Variants in PAX7 observed in about 807,000 individuals in gnomAD.
PAX7 encodes paired box protein Pax-7.
Under a neutral mutation model 50.7 loss-of-function variants are expected in PAX7, and 18 were observed. The observed-to-expected ratio is 0.36, with a 90% CI of 0.25 to 0.53. The LOEUF (loss-of-function observed/expected upper bound fraction) is 0.53, where lower values mean the gene tolerates loss of function less well. Among genes scored for constraint, PAX7 ranks in the 20% least tolerant of loss-of-function variants. PAX7 has a pLI of 0.93. For missense variants in PAX7, 644 were observed against 702.9 expected, an observed-to-expected ratio of 0.92 and a Z score of 0.95; for synonymous variants, 310 against 290.4, an observed-to-expected ratio of 1.07 and a Z score of -0.69.
Position 18,735,552 on chromosome 1 carries a change from C to T in PAX7, c.1156-80C>T, listed in dbSNP as rs1557559973. 1.3e-6 allele frequency: 2 copies of T among 1,541,358 alleles called. No homozygotes were observed. Among genetic ancestry groups the T allele is most frequent in the South Asian group, 1.2e-5 (1 of 80,190 alleles). On this transcript the variant is annotated intron_variant, in intron 7 of 8. Transcript: ENST00000420770. This position sits in a 1 kb window ranked among gnomAD's most constrained non-coding sequence, Gnocchi z 4.0. ...ACTCTGGCAAAGAGTGTTCCAGGGC[C>T]AGCCTGGCATTGTGCCCAGTGTGCT...
chr1:18,638,328 G>C (rs2088195410), intron 4 of PAX7, among the ~76,000 whole-genome samples: 1 of 152,210 alleles, frequency 6.6e-6, no homozygotes. Flanking sequence ...GGCGTTCCAT[G>C]CTGGCCTGTG....
At chr1:18,643,442 C>T (rs1414965109) in intron 4 of PAX7, among the ~76,000 whole-genome samples, 2 of 152,226 alleles carry the variant, frequency 1.3e-5, no homozygotes, top group Non-Finnish European at 2.9e-5. Context: ...AGTCTGAGCG[C>T]AGCAGAAGAG....
At chr1:18,699,362 G>A (rs573988794) in intron 5 of PAX7, among the ~76,000 whole-genome samples, 1 of 152,260 alleles carries the variant, frequency 6.6e-6, no homozygotes, top group South Asian at 2.1e-4. Flanking sequence ...GGAGTAGGAG[G>A]AAGCATTTCA....
intron 4 of PAX7, among the ~76,000 whole-genome samples, chr1:18,686,821 A>G (rs1368011656): frequency 1.3e-5 from 2 of 151,934 alleles, no homozygotes; most frequent in African/African-American, 4.8e-5. Context: ...CTCATCATCA[A>G]CAATAGTAAT....
Position 18,634,921 on chromosome 1 carries a change from C to A in PAX7, c.322-190C>A, listed in dbSNP as rs567827392. ...CCCACCCCACCCCACCTGGCCAGAC[C>A]CCCAGCTGCCTTCCTGGGAGCCAGG... On this transcript the variant is annotated intron_variant, in intron 2 of 8. Transcript: ENST00000420770. The surrounding 1 kb of genome is among the most constrained non-coding windows in gnomAD (Gnocchi z 4.0). 3.3e-5 allele frequency among the ~76,000 whole-genome samples: 5 copies of A among 152,238 alleles called. No individual in the cohort carries two copies. The highest frequency in any genetic ancestry group is 9.6e-5 in the African/African-American group (4 of 41,550).
At chr1:18,685,058 G>A (rs2088954641) in intron 4 of PAX7, among the ~76,000 whole-genome samples, 1 of 152,192 alleles carries the variant, frequency 6.6e-6, no homozygotes, top group Admixed American at 6.5e-5. Context: ...AGCCACGTTG[G>A]TTTTCAGGAC....
chr1:18,633,212 C>T (rs1341135155), intron 1 of PAX7, among the ~76,000 whole-genome samples: 1 of 152,158 alleles, frequency 6.6e-6, no homozygotes, highest in African/African-American at 2.4e-5. Flanking sequence ...AGCCTCTTCT[C>T]GCCTCCTCCC....
intron 5 of PAX7, among the ~76,000 whole-genome samples, chr1:18,693,163 A>T (rs2089100559): frequency 6.6e-6 from 1 of 152,146 alleles, no homozygotes; most frequent in Non-Finnish European, 1.5e-5. Context: ...GATCCCCATT[A>T]CCAGAATCTA....
chr1:18,657,444 A>G (rs1458526415), intron 4 of PAX7, among the ~76,000 whole-genome samples: 1 of 151,768 alleles, frequency 6.6e-6, no homozygotes, highest in African/African-American at 2.4e-5. Context: ...GCCTGATGGC[A>G]AAGAGACCAA....
chr1:18,654,636 A>G (rs1469947879), intron 4 of PAX7, among the ~76,000 whole-genome samples: 1 of 152,214 alleles, frequency 6.6e-6, no homozygotes, highest in Admixed American at 6.5e-5. Context: ...GGTAGCTTGT[A>G]CAAATTTGCC....
rs1168164697 is a variant in PAX7 at position 18,631,051 on chromosome 1, G to A, written c.-553G>A. 8.7e-6 allele frequency: 2 copies of A among 228,974 alleles called. No individual in the cohort carries two copies. The highest frequency in any genetic ancestry group is 4.4e-5 in the African/African-American group (2 of 45,026). The allele number at this position is 228,974 out of a possible 1,614,324, so 14.2% of individuals were successfully genotyped here. A position where few individuals can be genotyped will look rare whatever the true frequency, so the allele number is the denominator to read the frequency against. ...AAGCGAGTGTGGTCCGGAGAAAGAA[G>A]GCGTGGAGAAGAGGGAGGGAGCGAG... On this transcript the variant is annotated 5_prime_UTR_variant, in exon 1 of 9. Transcript: ENST00000420770.
At chr1:18,662,536 T>C (rs2088614836) in intron 4 of PAX7, among the ~76,000 whole-genome samples, 1 of 152,084 alleles carries the variant, frequency 6.6e-6, no homozygotes, top group African/African-American at 2.4e-5. Flanking sequence ...TCAAAAACAT[T>C]GTATTAGTTC....
chr1:18,640,964 TC>T (rs2088243927), intron 4 of PAX7, among the ~76,000 whole-genome samples: 1 of 151,918 alleles, frequency 6.6e-6, no homozygotes, highest in South Asian at 2.1e-4. Context: ...CTGACAAGGC[TC>T]CCCTTTTCTT....
Position 18,700,077 on chromosome 1 carries a change from C to T in PAX7, c.787-576C>T, listed in dbSNP as rs919718366. ...TTATCCCACTAATGTTTGATAAATC[C>T]GTGTGTGTGTGTGTGTGTGTGTGTG... On this transcript the variant is annotated intron_variant, in intron 5 of 8. Transcript: ENST00000420770. This position sits in a 1 kb window ranked among gnomAD's most constrained non-coding sequence, Gnocchi z 4.8. Among the ~76,000 whole-genome samples the T allele has an allele frequency of 1.2e-4, 17 of 145,770 alleles. No homozygotes were observed. The highest frequency in any genetic ancestry group is 3.5e-3 in the Middle Eastern group (1 of 286).
chr1:18,697,664 G>C (rs892343101), intron 5 of PAX7, among the ~76,000 whole-genome samples: 2 of 152,144 alleles, frequency 1.3e-5, no homozygotes, highest in African/African-American at 4.8e-5. Context: ...GGAAGGAGGT[G>C]AACCTAGGGA....
At chr1:18,689,363 T>C (rs919989359) in intron 4 of PAX7, among the ~76,000 whole-genome samples, 3 of 152,132 alleles carry the variant, frequency 2.0e-5, no homozygotes, top group Admixed American at 2.0e-4. Context: ...CTGTGCCCAC[T>C]GTGGTCTCCC....
intron 4 of PAX7, among the ~76,000 whole-genome samples, chr1:18,675,401 C>T (rs1427522235): frequency 6.6e-6 from 1 of 152,204 alleles, no homozygotes; most frequent in African/African-American, 2.4e-5. Flanking sequence ...TTTAGCCCCA[C>T]CCAGCCTACC....
At chr1:18,642,569 G>T (rs886588473) in intron 4 of PAX7, among the ~76,000 whole-genome samples, 1 of 152,190 alleles carries the variant, frequency 6.6e-6, no homozygotes, top group Non-Finnish European at 1.5e-5. Context: ...AACAGGATGA[G>T]GGTTAGAGGC....
At chr1:18,704,519 C>T (rs2089260271) in intron 7 of PAX7, among the ~76,000 whole-genome samples, 1 of 152,110 alleles carries the variant, frequency 6.6e-6, no homozygotes, top group African/African-American at 2.4e-5. Flanking sequence ...ACTTGGGAGG[C>T]TGAGGCGAGA....
Sources: gnomAD v4.1 joint callset for allele counts (sites outside exome capture counted in the v4.1 genomes callset) on GRCh38, gnomAD v4.1.1 for gene constraint, Gnocchi (gnomAD v3.1) non-coding constraint, MANE v1.5 for transcripts, NCBI Gene and HGNC (gene_info 2026-07-23, HGNC 2026-07-21) for gene names.